Variants in PUS10 observed in about 807,000 individuals in gnomAD.
PUS10 encodes the protein pseudouridine synthase 10.
In PUS10, 59 loss-of-function variants were observed where a neutral mutation model predicts 75.0. That is an observed-to-expected ratio of 0.79 (90% CI 0.64 to 0.98). PUS10 has a LOEUF of 0.98. Ranked by LOEUF, PUS10 falls within the 50% of genes least tolerant of loss-of-function variation. PUS10 has a pLI of 0.00. For synonymous variants in PUS10, 219 were observed against 211.6 expected (o/e 1.03, Z -0.30); for missense variants, 650 against 614.4 (o/e 1.06, Z -0.61).
chr2:60,997,452 T>C (rs1003519264), intron 4 of PUS10, among the ~76,000 whole-genome samples: 2 of 151,778 alleles, frequency 1.3e-5, no homozygotes, highest in Non-Finnish European at 1.5e-5. Flanking sequence ...GTACTAAAAA[T>C]ACAAAAAATT....
intron 15 of PUS10, among the ~76,000 whole-genome samples, chr2:60,949,556 G>C (rs943629659): frequency 6.6e-6 from 1 of 151,816 alleles, no homozygotes; most frequent in South Asian, 2.1e-4. Flanking sequence ...ACACACATAC[G>C]CTTGTTTTTG....
intron 9 of PUS10, 96 bp downstream of exon 9, chr2:60,962,730 T>C (rs1252320826): frequency 1.4e-6 from 2 of 1,476,448 alleles, no homozygotes. Context: ...GCCCCTGAAA[T>C]ACATCATCTT....
intron 2 of PUS10, chr2:61,009,957 G>C (rs1052251564): frequency 1.3e-5 from 2 of 152,088 alleles, no homozygotes; most frequent in African/African-American, 4.8e-5. Flanking sequence ...TATGTTTGTT[G>C]TTACCTAAGA....
intron 11 of PUS10, among the ~76,000 whole-genome samples, chr2:60,956,782 T>C (rs944451937): frequency 3.3e-5 from 5 of 151,864 alleles, no homozygotes; most frequent in Admixed American, 6.6e-5. Flanking sequence ...GAGACCATCC[T>C]GGCTAACTTG....
intron 4 of PUS10, among the ~76,000 whole-genome samples, chr2:60,977,498 C>T (rs1193344141): frequency 1.3e-5 from 2 of 152,154 alleles, no homozygotes; most frequent in Non-Finnish European, 2.9e-5. Flanking sequence ...CACAAAGAAA[C>T]ATTTGATATT....
chr2:61,001,369 C>T (rs759103011), intron 4 of PUS10, among the ~76,000 whole-genome samples: 9 of 151,948 alleles, frequency 5.9e-5, no homozygotes, highest in African/African-American at 9.7e-5. Flanking sequence ...CTCCCCCTCC[C>T]GGGTTCAAAT....
At chr2:60,977,073 T>C (rs1377931943) in intron 4 of PUS10, among the ~76,000 whole-genome samples, 2 of 152,194 alleles carry the variant, frequency 1.3e-5, no homozygotes, top group Non-Finnish European at 2.9e-5. Flanking sequence ...GTTGAATAAG[T>C]GCTTGCTAAA....
Position 60,953,073 on chromosome 2 carries a change from G to T in PUS10, c.1232C>A (p.Thr411Lys). Reference protein sequence around the residue: ...GHMKEGEEEKTKTYSALIWTN... With the variant: ...GHMKEGEEEKKKTYSALIWTN... The stretch of plus-strand genomic sequence containing the variant: ...CCAAATTAAGGCACTGTAGGTCTTT[G>T]TCTTTTCTTCTTCACCTTCTTTCAT... The change falls in exon 15 of 18, where the codon ACA becomes AAA. Residue 411 changes from threonine to lysine, a missense_variant. Coordinates refer to ENST00000316752, the MANE Select transcript of PUS10 (RefSeq NM_144709.4). 1 of 1,608,528 alleles carries T rather than the reference G, an allele frequency of 6.2e-7. No homozygotes were observed. Among genetic ancestry groups the T allele is most frequent in the Non-Finnish European group, 8.5e-7 (1 of 1,175,094 alleles).
chr2:60,943,076 G>T (rs1674719046), intron 17 of PUS10, among the ~76,000 whole-genome samples: 1 of 148,466 alleles, frequency 6.7e-6, no homozygotes, highest in Admixed American at 6.7e-5. Flanking sequence ...GGTAAAAGTA[G>T]CAAACAAATT....
At chr2:60,958,041 CAG>C (rs1675790038) in intron 11 of PUS10, among the ~76,000 whole-genome samples, 1 of 152,212 alleles carries the variant, frequency 6.6e-6, no homozygotes, top group Non-Finnish European at 1.5e-5. Flanking sequence ...GGCTTTTGCC[CAG>C]AGAGAGAGAA....
chr2:60,991,719 T>C (rs1678092777), intron 4 of PUS10, among the ~76,000 whole-genome samples: 1 of 152,198 alleles, frequency 6.6e-6, no homozygotes. Flanking sequence ...GATAATGATA[T>C]GTGTGAGGGG....
intron 11 of PUS10, among the ~76,000 whole-genome samples, chr2:60,956,299 C>T (rs965948309): frequency 6.6e-6 from 1 of 152,160 alleles, no homozygotes; most frequent in African/African-American, 2.4e-5. Context: ...GTGCTAACAA[C>T]AGATGGATGG....
At position 60,940,320 on chromosome 2, in the gene PUS10, T is replaced by A. The variant is rs532805186; in HGVS notation, c.*2075A>T. The A allele has an allele frequency of 3.9e-5, 6 of 152,428 alleles. No homozygotes were observed. The highest frequency in any genetic ancestry group is 1.4e-4 in the African/African-American group (6 of 41,582). 9.4% of individuals were successfully genotyped at this position (152,428 alleles called of 1,614,324 possible). A position where few individuals can be genotyped will look rare whatever the true frequency, so the allele number is the denominator to read the frequency against. On this transcript the variant is annotated 3_prime_UTR_variant, in exon 18 of 18. Transcript: ENST00000316752. ...ACCACAGACTATATTTGGGACTATA[T>A]AAGAGATACTAAGAAGTACAAAGGG... is the stretch of plus-strand genomic sequence containing the variant.
intron 1 of PUS10, among the ~76,000 whole-genome samples, chr2:61,012,863 A>ATATAT (rs1218428804): frequency 1.6e-5 from 1 of 64,000 alleles, no homozygotes; most frequent in Non-Finnish European, 3.2e-5. Flanking sequence ...AAAAAAAAAA[A>ATATAT]AAAAATATAT....
In PUS10 at chr2:61,011,772, G is replaced by T; in HGVS notation, c.119C>A (p.Pro40Gln). 1 of 1,567,276 alleles carries T rather than the reference G, an allele frequency of 6.4e-7. No homozygotes were observed. Among genetic ancestry groups the T allele is most frequent in the East Asian group, 2.3e-5 (1 of 43,054 alleles). Residue 40 changes from proline to glutamine, a missense_variant, in exon 2 of 18, where the codon CCA becomes CAA. Transcript: ENST00000316752. ...GVDFHAPYKL[P>Q]YKELLNELQK... The stretch of plus-strand genomic sequence containing the variant: ...AAAAAGAAAAGAAAATACCTTGTAT[G>T]GAAGTTTGTAAGGTGCATGAAAATC...
At chr2:61,003,426 C>T (rs1678984126) in intron 4 of PUS10, among the ~76,000 whole-genome samples, 1 of 148,762 alleles carries the variant, frequency 6.7e-6, no homozygotes, top group African/African-American at 2.5e-5. Flanking sequence ...TGCGCCACTG[C>T]ACTCCAGCCT....
At chr2:60,988,459 G>GA (rs950706002) in intron 4 of PUS10, among the ~76,000 whole-genome samples, 19 of 149,526 alleles carry the variant, frequency 1.3e-4, no homozygotes, top group African/African-American at 4.2e-4. Context: ...TCTTACAGAT[G>GA]AAAAAAAAAC....
intron 4 of PUS10, among the ~76,000 whole-genome samples, chr2:60,982,315 T>C (rs2104500093): frequency 6.6e-6 from 1 of 152,226 alleles, no homozygotes; most frequent in South Asian, 2.1e-4. Flanking sequence ...CAGGCTGCAG[T>C]GCAGTGGCAC....
intron 4 of PUS10, among the ~76,000 whole-genome samples, chr2:60,971,917 C>G (rs1676696625): frequency 7.5e-6 from 1 of 132,600 alleles, no homozygotes; most frequent in Non-Finnish European, 1.5e-5. Flanking sequence ...GTCACCCAAG[C>G]TGGAGTGTAC....
Sources: gnomAD v4.1 joint callset for allele counts (sites outside exome capture counted in the v4.1 genomes callset) on GRCh38, gnomAD v4.1.1 for gene constraint, MANE v1.5 for transcripts, NCBI Gene and HGNC (gene_info 2026-07-23, HGNC 2026-07-21) for gene names.